Variants in ADRA1A observed in about 807,000 individuals in gnomAD.
ADRA1A encodes the protein adrenoceptor alpha 1A.
Under a neutral mutation model 29.6 loss-of-function variants are expected in ADRA1A, and 31 were observed. The ratio of observed to expected loss-of-function variants is 1.05; its 90% confidence interval spans 0.79 to 1.41. The LOEUF (loss-of-function observed/expected upper bound fraction) is 1.41. Among genes scored for constraint, ADRA1A ranks in the 40% most tolerant of loss-of-function variants. The probability of loss-of-function intolerance (pLI) is 0.00; values close to 1 mark genes in which losing one functional copy is unlikely to be tolerated. For synonymous variants in ADRA1A, 311 were observed against 254.3 expected, an observed-to-expected ratio of 1.22 and a Z score of -2.12; for missense variants, 619 against 601.1, an observed-to-expected ratio of 1.03 and a Z score of -0.31.
intron 2 of ADRA1A, among the ~76,000 whole-genome samples, chr8:26,750,300 CA>C (rs1228595083): frequency 1.1e-4 from 17 of 152,092 alleles, no homozygotes; most frequent in Admixed American, 1.1e-3. Flanking sequence ...TTCCTGGGTT[CA>C]AGCCATTCCC....
At chr8:26,851,253 T>C (rs1313381549) in intron 2 of ADRA1A, among the ~76,000 whole-genome samples, 1 of 152,164 alleles carries the variant, frequency 6.6e-6, no homozygotes, top group Non-Finnish European at 1.5e-5. Flanking sequence ...TGGGCAAAGG[T>C]GGGTGGTGGA....
chr8:26,790,053 C>T (rs904483842), intron 2 of ADRA1A, among the ~76,000 whole-genome samples: 2 of 151,934 alleles, frequency 1.3e-5, no homozygotes, highest in African/African-American at 4.8e-5. Flanking sequence ...GGTGGTTCCT[C>T]AAAAAACCAA....
intron 2 of ADRA1A, among the ~76,000 whole-genome samples, chr8:26,795,764 C>G (rs570385654): frequency 9.2e-5 from 14 of 152,066 alleles, no homozygotes; most frequent in African/African-American, 3.4e-4. Flanking sequence ...CTTGCAGGAA[C>G]CATAAGGAGG....
intron 2 of ADRA1A, among the ~76,000 whole-genome samples, chr8:26,844,458 T>C (rs1812053770): frequency 6.6e-6 from 1 of 152,180 alleles, no homozygotes. Context: ...TTACAGAACT[T>C]ACTACAAAGC....
intron 2 of ADRA1A, among the ~76,000 whole-genome samples, chr8:26,851,549 T>C (rs1038861146): frequency 5.3e-5 from 8 of 152,190 alleles, no homozygotes; most frequent in Non-Finnish European, 1.0e-4. Context: ...ACATGGATTA[T>C]GAGAAATCCA....
intron 2 of ADRA1A, among the ~76,000 whole-genome samples, chr8:26,791,112 T>G (rs929551964): frequency 5.9e-5 from 9 of 152,274 alleles, no homozygotes; most frequent in African/African-American, 2.2e-4. Flanking sequence ...TTACCAGCCT[T>G]TATGTAATAT....
At chr8:26,753,250 G>A (rs1476831161), downstream of ADRA1A, among the ~76,000 whole-genome samples, 1 of 152,032 alleles carries the variant, frequency 6.6e-6, no homozygotes, top group Non-Finnish European at 1.5e-5. Flanking sequence ...CTTGGCTATG[G>A]GTAACTTAAT....
intron 2 of ADRA1A, among the ~76,000 whole-genome samples, chr8:26,834,046 A>G (rs1811176168): frequency 6.6e-6 from 1 of 152,228 alleles, no homozygotes; most frequent in Non-Finnish European, 1.5e-5. Context: ...GTAATAAGAA[A>G]GCAGGAAGGT....
rs1437799863 is a variant in ADRA1A at position 26,823,958 on chromosome 8, T to C, written c.883+40129A>G. ...TACTCTGGGCTCATTTAGAAGAAAG[T>C]ATTGCCCTGGGCTGGAAAATGGAGT... On this transcript the variant is annotated intron_variant, in intron 2 of 2. Coordinates refer to ENST00000380573, the MANE Select transcript of ADRA1A (RefSeq NM_000680.4). This position sits in a 1 kb window ranked among gnomAD's most constrained non-coding sequence, Gnocchi z 4.2. Among the ~76,000 whole-genome samples, 1 of 152,158 alleles carries C rather than the reference T, an allele frequency of 6.6e-6. No homozygotes were observed. The highest frequency in any genetic ancestry group is 1.9e-4 in the East Asian group (1 of 5,192).
chr8:26,867,224 C>T lies in ADRA1A; in HGVS notation c.-975G>A. On this transcript the variant is annotated 5_prime_UTR_variant, in exon 1 of 3. Transcript: ENST00000380573. ...ACAATCACCCTTTTAATATTCAGCT[C>T]CCCGACACCAGAAAAGAATAGCAAG... 2.0e-6 allele frequency: 2 copies of T among 985,408 alleles called. No individual in the cohort carries two copies. The highest frequency in any genetic ancestry group is 2.4e-6 in the Non-Finnish European group (2 of 829,934). The allele number at this position is 985,408 out of a possible 1,614,324, so 61.0% of individuals were successfully genotyped here.
At chr8:26,793,582 C>G (rs963619052) in intron 2 of ADRA1A, among the ~76,000 whole-genome samples, 1 of 151,870 alleles carries the variant, frequency 6.6e-6, no homozygotes, top group Non-Finnish European at 1.5e-5. Context: ...ATGCCTCTGA[C>G]AAGCCTGACT....
chr8:26,813,668 G>A (rs749040029), intron 2 of ADRA1A, among the ~76,000 whole-genome samples: 75 of 152,124 alleles, frequency 4.9e-4, no homozygotes, highest in Admixed American at 2.2e-3. Flanking sequence ...AGCCAGCTCA[G>A]TTCTGACAAG....
downstream of ADRA1A, among the ~76,000 whole-genome samples, chr8:26,761,367 C>T (rs1805493591): frequency 6.6e-6 from 1 of 152,142 alleles, no homozygotes; most frequent in Admixed American, 6.5e-5. Context: ...CTTGTGGGCT[C>T]AAATGAGTCT....
intron 2 of ADRA1A, among the ~76,000 whole-genome samples, chr8:26,784,159 A>T (rs2130374417): frequency 6.6e-6 from 1 of 152,330 alleles, no homozygotes; most frequent in South Asian, 2.1e-4. Context: ...ACATCCTGCA[A>T]CATGTACCCC....
At chr8:26,763,829 C>T (rs1358689424), downstream of ADRA1A, among the ~76,000 whole-genome samples, 2 of 152,114 alleles carry the variant, frequency 1.3e-5, no homozygotes, top group Non-Finnish European at 2.9e-5. This position sits in a 1 kb window ranked among gnomAD's most constrained non-coding sequence, Gnocchi z 4.5. Context: ...GTCCCCCTCC[C>T]TGCAAAAAGT....
At chr8:26,751,783 TAC>T (rs1204961338), downstream of ADRA1A, among the ~76,000 whole-genome samples, 1 of 152,258 alleles carries the variant, frequency 6.6e-6, no homozygotes, top group Admixed American at 6.5e-5. Context: ...TATTATGAAC[TAC>T]ACAGACATTC....
chr8:26,817,861 C>T (rs1313492517), intron 2 of ADRA1A, among the ~76,000 whole-genome samples: 1 of 152,170 alleles, frequency 6.6e-6, no homozygotes, highest in Non-Finnish European at 1.5e-5. Context: ...TAAATAAAAA[C>T]TTGTTCATTT....
chr8:26,809,240 C>G (rs1281311464), intron 2 of ADRA1A, among the ~76,000 whole-genome samples: 1 of 152,156 alleles, frequency 6.6e-6, no homozygotes, highest in African/African-American at 2.4e-5. Context: ...ACTTTCATGA[C>G]TTGGATTATG....
chr8:26,863,958 T>A lies in ADRA1A; in HGVS notation c.883+129A>T. 6 of 941,110 alleles carry A rather than the reference T, an allele frequency of 6.4e-6. No homozygotes were observed. In the South Asian group the frequency reaches 1.1e-4, roughly 18 times the overall value. 58.3% of individuals were successfully genotyped at this position (941,110 alleles called of 1,614,324 possible). A position where few individuals can be genotyped will look rare whatever the true frequency, so the allele number is the denominator to read the frequency against. ...TTTTCTACAAGGGAGCCTTTTCTAA[T>A]TGCCCTAGAGCTGTGCTGTTTGAAA... On this transcript the variant is annotated intron_variant, in intron 2 of 2. Transcript: ENST00000380573.
Sources: allele counts gnomAD v4.1 joint callset (sites outside exome capture counted in the v4.1 genomes callset), GRCh38; gene constraint gnomAD v4.1.1; non-coding constraint Gnocchi (gnomAD v3.1); transcripts MANE v1.5; gene names NCBI Gene and HGNC (gene_info 2026-07-23, HGNC 2026-07-21).